Variants in ZBTB20 observed in about 807,000 individuals in gnomAD.
ZBTB20 encodes the protein zinc finger and BTB domain containing 20, also known as zinc finger and BTB domain-containing protein 20.
In ZBTB20, 9 loss-of-function variants were observed where a neutral mutation model predicts 56.9. The observed-to-expected ratio is 0.16, with a 90% CI of 0.10 to 0.28. The LOEUF is 0.28. Among genes scored for constraint, ZBTB20 ranks in the 10% least tolerant of loss-of-function variants. The pLI is 1.00. For missense variants in ZBTB20, 655 were observed against 1,003.0 expected, an observed-to-expected ratio of 0.65 and a Z score of 4.69; for synonymous variants, 417 against 420.7, an observed-to-expected ratio of 0.99 and a Z score of 0.11.
At chr3:115,014,771 C>CT (rs1389124470) in intron 2 of ZBTB20, among the ~76,000 whole-genome samples, 1 of 151,474 alleles carries the variant, frequency 6.6e-6, no homozygotes, top group African/African-American at 2.4e-5. Context: ...TTATCGGTGT[C>CT]TTTTTTGTTT....
intron 5 of ZBTB20, among the ~76,000 whole-genome samples, chr3:114,762,523 A>C (rs1233964063): frequency 6.6e-6 from 1 of 152,172 alleles, no homozygotes; most frequent in Non-Finnish European, 1.5e-5. Flanking sequence ...TTTATGGAGG[A>C]GCTGCAAGGA....
chr3:114,875,594 T>C (rs533572241), intron 4 of ZBTB20, among the ~76,000 whole-genome samples: 44 of 152,250 alleles, frequency 2.9e-4, no homozygotes, highest in African/African-American at 1.1e-3. Flanking sequence ...ATGATGCGTA[T>C]AGAAGCATAG....
At chr3:114,613,288 C>T (rs768196823) in intron 6 of ZBTB20, among the ~76,000 whole-genome samples, 1 of 152,126 alleles carries the variant, frequency 6.6e-6, no homozygotes, top group Non-Finnish European at 1.5e-5. Context: ...ATAGGATGGC[C>T]TAGGTGTACA....
chr3:114,983,585 A>G (rs2078417823), intron 2 of ZBTB20, among the ~76,000 whole-genome samples: 1 of 151,990 alleles, frequency 6.6e-6, no homozygotes, highest in Non-Finnish European at 1.5e-5. Flanking sequence ...AGCAAGTCAA[A>G]AAAGGAAAGA....
intron 4 of ZBTB20, among the ~76,000 whole-genome samples, chr3:114,833,825 C>A (rs1214828882): frequency 6.6e-6 from 1 of 151,654 alleles, no homozygotes; most frequent in Non-Finnish European, 1.5e-5. Context: ...AGCCACTGCA[C>A]CTGGCCGAGG....
chr3:114,909,173 A>G (rs1460509044), intron 3 of ZBTB20, among the ~76,000 whole-genome samples: 1 of 151,972 alleles, frequency 6.6e-6, no homozygotes, highest in African/African-American at 2.4e-5. Context: ...CCAGTGGGAC[A>G]AGATGTAGAG....
intron 2 of ZBTB20, among the ~76,000 whole-genome samples, chr3:115,025,244 C>A (rs967271764): frequency 1.3e-5 from 2 of 151,318 alleles, no homozygotes; most frequent in Admixed American, 6.6e-5. Context: ...CGGCTTACAG[C>A]CCTATCCATC....
chr3:114,923,950 G>C (rs923165219), intron 3 of ZBTB20, among the ~76,000 whole-genome samples: 2 of 152,062 alleles, frequency 1.3e-5, no homozygotes, highest in South Asian at 2.1e-4. Context: ...ATACAAATGG[G>C]CAAGAAGTAT....
chr3:114,578,631 A>G (rs1258520158), intron 6 of ZBTB20, among the ~76,000 whole-genome samples: 1 of 151,922 alleles, frequency 6.6e-6, no homozygotes, highest in African/African-American at 2.4e-5. Flanking sequence ...AATTAAGAAT[A>G]GTTGACAGAA....
At chr3:114,749,364 C>T (rs1247053414) in intron 5 of ZBTB20, among the ~76,000 whole-genome samples, 1 of 152,010 alleles carries the variant, frequency 6.6e-6, no homozygotes, top group Non-Finnish European at 1.5e-5. Flanking sequence ...CCAGCCTGGC[C>T]AACATAGTGA....
intron 5 of ZBTB20, among the ~76,000 whole-genome samples, chr3:114,707,056 G>A (rs1264524901): frequency 6.6e-6 from 1 of 151,932 alleles, no homozygotes; most frequent in Admixed American, 6.6e-5. Flanking sequence ...AAAAGCCCAG[G>A]GTGCAGCATA....
At position 115,113,688 on chromosome 3, in the gene ZBTB20, T is replaced by G. The variant is rs114720197; in HGVS notation, c.-703+33531A>C. On this transcript the variant is annotated intron_variant, in intron 1 of 11. Transcript: ENST00000675478. Reference sequence around the variant, plus strand: ...TACATATTATCCTGGATTCTTGAAGTGTCCATAGGAGTGCGGACACCTGGC... The same window carrying G: ...TACATATTATCCTGGATTCTTGAAGGGTCCATAGGAGTGCGGACACCTGGC... 4.5e-3 allele frequency among the ~76,000 whole-genome samples: 684 copies of G among 152,354 alleles called. 6 individuals are homozygous for G. Among genetic ancestry groups the G allele is most frequent in the African/African-American group, 0.016 (668 of 41,574 alleles).
At chr3:115,019,484 A>G (rs916529528) in intron 2 of ZBTB20, among the ~76,000 whole-genome samples, 1 of 151,288 alleles carries the variant, frequency 6.6e-6, no homozygotes. Flanking sequence ...TGTATATACA[A>G]TAAAAAAGGA....
chr3:114,936,309 A>G (rs534723134), intron 3 of ZBTB20, among the ~76,000 whole-genome samples: 49 of 152,332 alleles, frequency 3.2e-4, no homozygotes, highest in Admixed American at 1.9e-3. Context: ...CGTATGCAAT[A>G]TAATTACAGA....
At chr3:115,050,794 T>A (rs2081518144) in intron 2 of ZBTB20, among the ~76,000 whole-genome samples, 2 of 152,146 alleles carry the variant, frequency 1.3e-5, no homozygotes, top group Admixed American at 6.5e-5. Context: ...TATGGACATA[T>A]GGTTAAAATA....
chr3:115,071,631 G>A (rs564698494), intron 1 of ZBTB20, among the ~76,000 whole-genome samples: 3 of 152,132 alleles, frequency 2.0e-5, no homozygotes, highest in Admixed American at 1.3e-4. Context: ...TAGGATAGAC[G>A]TCAGTGAAGT....
chr3:115,046,655 T>C (rs2081344841), intron 2 of ZBTB20, among the ~76,000 whole-genome samples: 1 of 152,276 alleles, frequency 6.6e-6, no homozygotes, highest in Middle Eastern at 3.4e-3. Flanking sequence ...GAAGAAATAG[T>C]TTTTCATTTT....
intron 2 of ZBTB20, among the ~76,000 whole-genome samples, chr3:115,064,801 T>G (rs1391298455): frequency 6.6e-6 from 1 of 152,138 alleles, no homozygotes; most frequent in Non-Finnish European, 1.5e-5. Context: ...ATGTTGTCAT[T>G]AAGAAATCAG....
At chr3:114,765,795 G>T (rs1457441353) in intron 5 of ZBTB20, among the ~76,000 whole-genome samples, 2 of 152,158 alleles carry the variant, frequency 1.3e-5, no homozygotes, top group Non-Finnish European at 2.9e-5. Context: ...CAGTGTTTGA[G>T]TGGCACAAAT....
Sources: allele counts gnomAD v4.1 joint callset (sites outside exome capture counted in the v4.1 genomes callset), GRCh38; gene constraint gnomAD v4.1.1; transcripts MANE v1.5; gene names NCBI Gene and HGNC (gene_info 2026-07-23, HGNC 2026-07-21).